MALRD1: variants seen among roughly 807,000 people sequenced by gnomAD.
MALRD1 encodes the protein MAM and LDL-receptor class A domain-containing protein 1.
In MALRD1, 247 loss-of-function variants were observed where a neutral mutation model predicts 242.1. The observed-to-expected ratio is 1.02, with a 90% CI of 0.92 to 1.13. The LOEUF (loss-of-function observed/expected upper bound fraction) is 1.13. MALRD1 is among the 50% of genes most tolerant of loss of function. The pLI, the probability that MALRD1 is intolerant of heterozygous loss-of-function variation, is 0.00. For synonymous variants in MALRD1, 995 were observed against 866.6 expected, an observed-to-expected ratio of 1.15 and a Z score of -2.60; for missense variants, 2,989 against 2,533.1, an observed-to-expected ratio of 1.18 and a Z score of -3.86.
At chr10:19,511,424 T>C (rs773122616) in intron 31 of MALRD1, among the ~76,000 whole-genome samples, 19 of 152,188 alleles carry the variant, frequency 1.2e-4, no homozygotes, top group Non-Finnish European at 2.1e-4. Context: ...AGCACTAAAA[T>C]TTATCCAAGG....
chr10:19,669,065 C>G (rs1589380384), intron 36 of MALRD1, among the ~76,000 whole-genome samples: 1 of 152,150 alleles, frequency 6.6e-6, no homozygotes, highest in Admixed American at 6.6e-5. Flanking sequence ...ATGTAACTGT[C>G]CACATAAAAA....
At position 19,264,475 on chromosome 10, in the gene MALRD1, A is replaced by G. The variant is rs1316659824; in HGVS notation, c.3079+6704A>G. 4.5e-5 allele frequency among the ~76,000 whole-genome samples: 6 copies of G among 134,548 alleles called. No individual in the cohort carries two copies. In the South Asian group the frequency reaches 9.2e-4, roughly 21 times the overall value. The allele number at this position is 134,548 out of a possible 152,430, so 88.3% of individuals were successfully genotyped here. ...CTTTTTCTTTTTTTTTTTTTTTGAG[A>G]CGGAGTCTTGCTCTGTCGCCCAGGC... On this transcript the variant is annotated intron_variant, in intron 19 of 39. Transcript: ENST00000454679.
chr10:19,491,734 A>G, intron 30 of MALRD1, 89 bp downstream of exon 30: 1 of 1,397,280 alleles, frequency 7.2e-7, no homozygotes, highest in East Asian at 2.6e-5. Context: ...ATGATGGAGA[A>G]GAAATATTAT....
intron 30 of MALRD1, among the ~76,000 whole-genome samples, chr10:19,497,185 A>G (rs944589017): frequency 4.1e-4 from 62 of 152,066 alleles, no homozygotes; most frequent in African/African-American, 1.3e-3. Flanking sequence ...TAAAGAACAC[A>G]TGATGACTGT....
At chr10:19,304,966 C>A (rs1014571327) in intron 21 of MALRD1, among the ~76,000 whole-genome samples, 1 of 151,644 alleles carries the variant, frequency 6.6e-6, no homozygotes, top group Admixed American at 6.6e-5. Flanking sequence ...CCCTCATCAA[C>A]CAAAAAGTAT....
At chr10:19,241,847 A>C (rs1473701275) in intron 18 of MALRD1, among the ~76,000 whole-genome samples, 1 of 152,026 alleles carries the variant, frequency 6.6e-6, no homozygotes, top group Non-Finnish European at 1.5e-5. Context: ...TTTAATTTCC[A>C]TGTTTTTATA....
intron 12 of MALRD1, among the ~76,000 whole-genome samples, chr10:19,163,444 C>G (rs772265968): frequency 6.2e-5 from 9 of 145,854 alleles, no homozygotes; most frequent in Non-Finnish European, 1.3e-4. Flanking sequence ...AAGTTGGGAG[C>G]TAAATAATAA....
intron 36 of MALRD1, among the ~76,000 whole-genome samples, chr10:19,690,315 A>T (rs950755794): frequency 6.6e-6 from 1 of 152,108 alleles, no homozygotes; most frequent in Non-Finnish European, 1.5e-5. Flanking sequence ...GTTCTATAGC[A>T]TAACTGCTCT....
intron 18 of MALRD1, among the ~76,000 whole-genome samples, chr10:19,256,419 C>T (rs1431796752): frequency 1.3e-5 from 2 of 151,998 alleles, no homozygotes; most frequent in African/African-American, 4.8e-5. Flanking sequence ...ATTCTTTATA[C>T]ATTTTTGTTT....
chr10:19,226,167 G>A (rs1837791336), intron 18 of MALRD1, among the ~76,000 whole-genome samples: 1 of 152,132 alleles, frequency 6.6e-6, no homozygotes, highest in African/African-American at 2.4e-5. Flanking sequence ...TAACCAAGTG[G>A]GATTTATCTC....
At chr10:19,429,025 T>G (rs192247076) in intron 28 of MALRD1, among the ~76,000 whole-genome samples, 1 of 152,248 alleles carries the variant, frequency 6.6e-6, no homozygotes, top group Non-Finnish European at 1.5e-5. Flanking sequence ...ATTATGGAAC[T>G]GCTATTACAA....
At chr10:19,296,130 A>G (rs573672296) in intron 21 of MALRD1, among the ~76,000 whole-genome samples, 175 of 152,264 alleles carry the variant, frequency 1.1e-3, no homozygotes, top group African/African-American at 3.9e-3. Context: ...CTTGGGAAAC[A>G]GCCATCTATA....
intron 36 of MALRD1, among the ~76,000 whole-genome samples, chr10:19,664,748 C>A (rs151205806): frequency 1.2e-3 from 188 of 151,636 alleles, no homozygotes; most frequent in African/African-American, 4.2e-3. Context: ...CAGTTTAAAC[C>A]GAAAACCTCA....
intron 36 of MALRD1, among the ~76,000 whole-genome samples, chr10:19,687,432 C>T (rs1348354211): frequency 6.6e-6 from 1 of 152,190 alleles, no homozygotes; most frequent in African/African-American, 2.4e-5. Context: ...CACCAACCCA[C>T]TTAGCCACTC....
chr10:19,622,994 A>T (rs956429915), intron 36 of MALRD1, among the ~76,000 whole-genome samples: 1 of 152,072 alleles, frequency 6.6e-6, no homozygotes, highest in Non-Finnish European at 1.5e-5. Flanking sequence ...CACACTATAT[A>T]TACACAAAGA....
At chr10:19,314,561 C>A (rs1260715724) in intron 21 of MALRD1, among the ~76,000 whole-genome samples, 1 of 151,554 alleles carries the variant, frequency 6.6e-6, no homozygotes, top group Non-Finnish European at 1.5e-5. Flanking sequence ...GTAGAAATTG[C>A]AATAGAAAGT....
chr10:19,626,511 G>C (rs73595875), intron 36 of MALRD1, among the ~76,000 whole-genome samples: 9,163 of 151,906 alleles, frequency 0.06, 654 homozygotes, highest in African/African-American at 0.17. Context: ...CAGCGAGATA[G>C]ATGGACATAA....
Position 19,734,300 on chromosome 10 carries a change from C to G in MALRD1, c.*63C>G, listed in dbSNP as rs1261215044. 7.1e-6 allele frequency: 9 copies of G among 1,260,462 alleles called. 1 individual carries two copies. The highest frequency in any genetic ancestry group is 2.6e-5 in the South Asian group (2 of 75,644). 78.1% of individuals were successfully genotyped at this position (1,260,462 alleles called of 1,614,324 possible). On this transcript the variant is annotated 3_prime_UTR_variant, in exon 40 of 40. Coordinates refer to ENST00000454679, the MANE Select transcript of MALRD1 (RefSeq NM_001142308.3). ...TCTAGAAAATTGAAGTCTCCACAATCTGATAGAAACTCATCTTCTACAATG... is the reference window on the plus strand; with the variant it reads ...TCTAGAAAATTGAAGTCTCCACAATGTGATAGAAACTCATCTTCTACAATG...
intron 1 of MALRD1, among the ~76,000 whole-genome samples, chr10:19,058,818 T>A (rs2131219449): frequency 6.6e-6 from 1 of 152,154 alleles, no homozygotes; most frequent in Admixed American, 6.5e-5. Context: ...GCTGCCAATA[T>A]TTTTAAAATA....
Sources: gnomAD v4.1 joint callset for allele counts (sites outside exome capture counted in the v4.1 genomes callset) on GRCh38, gnomAD v4.1.1 for gene constraint, MANE v1.5 for transcripts, NCBI Gene and HGNC (gene_info 2026-07-23, HGNC 2026-07-21) for gene names.